The following SLC35F3 variants were observed in gnomAD, a reference collection of about 807,000 sequenced individuals.
The protein encoded by SLC35F3 is solute carrier family 35 member F3.
SLC35F3 carries 25 observed loss-of-function variants against 49.9 expected under a neutral mutation model. That is an observed-to-expected ratio of 0.50 (90% CI 0.37 to 0.70). SLC35F3 has a LOEUF of 0.70. Among genes scored for constraint, SLC35F3 ranks in the 30% least tolerant of loss-of-function variants. SLC35F3 has a pLI of 0.00. For missense variants in SLC35F3, 525 were observed against 639.8 expected, an observed-to-expected ratio of 0.82 and a Z score of 1.94; for synonymous variants, 275 against 265.4, an observed-to-expected ratio of 1.04 and a Z score of -0.35.
chr1:234,123,027 C>A (rs887874175), intron 2 of SLC35F3, among the ~76,000 whole-genome samples: 4 of 152,140 alleles, frequency 2.6e-5, no homozygotes, highest in Admixed American at 6.5e-5. Flanking sequence ...GGTTCTAGAT[C>A]CTTGAGGAAT....
At chr1:234,203,631 A>C (rs1036412517) in intron 2 of SLC35F3, among the ~76,000 whole-genome samples, 2 of 152,120 alleles carry the variant, frequency 1.3e-5, no homozygotes, top group African/African-American at 4.8e-5. Flanking sequence ...GAATCACTTG[A>C]ACCTGGGTGG....
At chr1:233,981,190 G>C (rs1306263836) in intron 2 of SLC35F3, among the ~76,000 whole-genome samples, 1 of 152,152 alleles carries the variant, frequency 6.6e-6, no homozygotes, top group African/African-American at 2.4e-5. Context: ...ACTTTATTAA[G>C]ATTTCATCAG....
In SLC35F3 at chr1:233,963,758, C is replaced by T. The variant is rs146451397; in HGVS notation, c.283+58000C>T. ...GGTGAAGGTCATGTTTCATCTTACA[C>T]TGCTGACTAATCTAGAGCAGTGTCA... On this transcript the variant is annotated intron_variant, in intron 2 of 7. Transcript: ENST00000366618. 4.4e-3 allele frequency among the ~76,000 whole-genome samples: 669 copies of T among 152,328 alleles called. 5 individuals are homozygous for T. The highest frequency in any genetic ancestry group is 0.016 in the African/African-American group (651 of 41,582).
chr1:234,123,696 G>T (rs1235264950), intron 2 of SLC35F3, among the ~76,000 whole-genome samples: 1 of 152,062 alleles, frequency 6.6e-6, no homozygotes, highest in Non-Finnish European at 1.5e-5. Flanking sequence ...GGGATTACAG[G>T]TATCAGCCAC....
intron 2 of SLC35F3, among the ~76,000 whole-genome samples, chr1:234,072,864 A>C (rs1043659791): frequency 6.6e-6 from 1 of 152,200 alleles, no homozygotes; most frequent in Non-Finnish European, 1.5e-5. Context: ...AGAGATGGGA[A>C]GACCCTGGAA....
chr1:233,905,055 C>T lies in SLC35F3; in HGVS notation c.-23C>T. The T allele has an allele frequency of 6.4e-7, 1 of 1,553,926 alleles. No homozygotes were observed. Among genetic ancestry groups the T allele is most frequent in the Non-Finnish European group, 8.7e-7 (1 of 1,148,066 alleles). On this transcript the variant is annotated 5_prime_UTR_variant, in exon 1 of 8. Coordinates refer to ENST00000366618, the MANE Select transcript of SLC35F3 (RefSeq NM_173508.4). ...CCCTCCGCCTCAAGTCTGGGAGCTG[C>T]CGGTCCCACTCTGTCTTTGCCTATG...
chr1:234,257,896 A>C (rs927053295), intron 3 of SLC35F3, among the ~76,000 whole-genome samples: 5 of 152,218 alleles, frequency 3.3e-5, no homozygotes, highest in Admixed American at 2.6e-4. Context: ...AGGTATATGC[A>C]TTACCTATTT....
intron 2 of SLC35F3, among the ~76,000 whole-genome samples, chr1:234,009,536 C>T (rs1162554636): frequency 6.6e-6 from 1 of 152,184 alleles, no homozygotes; most frequent in Non-Finnish European, 1.5e-5. Context: ...ACAACTCATT[C>T]CCCAGCTCTA....
rs1431958972 is a variant in SLC35F3, at chr1:234,214,236, C to G, written c.284-17181C>G. 2 of 1,226,408 alleles carry G rather than the reference C, an allele frequency of 1.6e-6. No homozygotes were observed. The highest frequency in any genetic ancestry group is 2.0e-6 in the Non-Finnish European group (2 of 984,292). The allele number at this position is 1,226,408 out of a possible 1,614,324, so 76.0% of individuals were successfully genotyped here. ...GTGACGTTGGAGTTTGCAGCAACCTCCAAGTAGGAGGCTGTGCGCGCGTGT... is the reference window on the plus strand; with the variant it reads ...GTGACGTTGGAGTTTGCAGCAACCTGCAAGTAGGAGGCTGTGCGCGCGTGT... On this transcript the variant is annotated intron_variant, in intron 2 of 7. Transcript: ENST00000366618. The surrounding 1 kb of genome is among the most constrained non-coding windows in gnomAD (Gnocchi z 8.0).
chr1:234,091,310 C>G (rs1247695563), intron 2 of SLC35F3, among the ~76,000 whole-genome samples: 1 of 152,218 alleles, frequency 6.6e-6, no homozygotes, highest in Non-Finnish European at 1.5e-5. Context: ...TGTTTACTCT[C>G]AGTCCTTTAA....
chr1:234,183,502 T>C (rs1473975846), intron 2 of SLC35F3, among the ~76,000 whole-genome samples: 1 of 143,016 alleles, frequency 7.0e-6, no homozygotes, highest in Non-Finnish European at 1.5e-5. Context: ...TATTTTGTCA[T>C]TGTGAAAACC....
At chr1:234,134,812 C>G (rs1665786189) in intron 2 of SLC35F3, among the ~76,000 whole-genome samples, 1 of 152,278 alleles carries the variant, frequency 6.6e-6, no homozygotes, top group South Asian at 2.1e-4. Flanking sequence ...ACCTCTGCCT[C>G]ACAGGTTCAC....
rs556864089 is a variant in SLC35F3 at position 234,054,581 on chromosome 1, C to A, written c.283+148823C>A. Among the ~76,000 whole-genome samples, 5 of 152,204 alleles carry A rather than the reference C, an allele frequency of 3.3e-5. No individual in the cohort carries two copies. The South Asian group carries it at 1.0e-3, about 32-fold the overall frequency. On this transcript the variant is annotated intron_variant, in intron 2 of 7. Transcript: ENST00000366618. ...GTTTTTAGCTTCTTTGTGATGGGTTCGAACATTCTCCTTTAGTTCAGAGAA... is the reference window on the plus strand; with the variant it reads ...GTTTTTAGCTTCTTTGTGATGGGTTAGAACATTCTCCTTTAGTTCAGAGAA...
chr1:234,268,151 C>A lies in SLC35F3; in HGVS notation c.608+36410C>A, dbSNP rs531671413. On this transcript the variant is annotated intron_variant, in intron 3 of 7. Transcript: ENST00000366618. The stretch of plus-strand genomic sequence containing the variant: ...CGAGCCGAGATCACGCCACTGCACT[C>A]CAGCCTGGGCAACATTGAGCACTGA... Among the ~76,000 whole-genome samples the A allele has an allele frequency of 4.3e-3, 647 of 152,218 alleles. 4 individuals carry two copies. Among genetic ancestry groups the A allele is most frequent in the African/African-American group, 0.015 (612 of 41,518 alleles).
At chr1:234,286,549 C>T (rs16842871) in intron 3 of SLC35F3, among the ~76,000 whole-genome samples, 2 of 152,124 alleles carry the variant, frequency 1.3e-5, no homozygotes, top group African/African-American at 4.8e-5. Flanking sequence ...AAGGATATGA[C>T]AGCATTGTTC....
chr1:234,055,272 A>G (rs1258419881), intron 2 of SLC35F3, among the ~76,000 whole-genome samples: 12 of 152,196 alleles, frequency 7.9e-5, no homozygotes, highest in Non-Finnish European at 1.3e-4. Context: ...CTACAGAGGC[A>G]GGCAGGCCTC....
intron 2 of SLC35F3, among the ~76,000 whole-genome samples, chr1:233,945,742 A>G (rs1558185659): frequency 6.6e-6 from 1 of 152,218 alleles, no homozygotes; most frequent in Non-Finnish European, 1.5e-5. Context: ...ATGGTTTTAT[A>G]AACAGGAGTT....
intron 3 of SLC35F3, among the ~76,000 whole-genome samples, chr1:234,247,170 A>T (rs1320184673): frequency 2.0e-5 from 3 of 152,234 alleles, no homozygotes; most frequent in Non-Finnish European, 4.4e-5. Context: ...CTTGAAACAA[A>T]AAAAGAAGAG....
intron 3 of SLC35F3, among the ~76,000 whole-genome samples, chr1:234,304,054 CTTCCT>C: frequency 7.7e-6 from 1 of 129,370 alleles, no homozygotes; most frequent in Non-Finnish European, 1.7e-5. Context: ...TCTTTCTTTC[CTTCCT>C]TTCCTTCCTT....
Sources: gnomAD v4.1 joint callset for allele counts (sites outside exome capture counted in the v4.1 genomes callset) on GRCh38, gnomAD v4.1.1 for gene constraint, Gnocchi (gnomAD v3.1) non-coding constraint, MANE v1.5 for transcripts, NCBI Gene and HGNC (gene_info 2026-07-23, HGNC 2026-07-21) for gene names.